ERI2: variants seen among roughly 807,000 people sequenced by gnomAD.
ERI2 encodes ERI1 exoribonuclease 2.
A neutral mutation model predicts 46.8 loss-of-function variants in ERI2; 35 were observed. The observed-to-expected ratio is 0.75, with a 90% CI of 0.57 to 0.99. The LOEUF (loss-of-function observed/expected upper bound fraction) is 0.99. ERI2 is among the 50% of genes least tolerant of loss of function. ERI2 has a pLI of 0.00. For synonymous variants in ERI2, 224 were observed against 271.0 expected (o/e 0.83, Z 1.70); for missense variants, 695 against 796.2 (o/e 0.87, Z 1.53).
chr16:20,786,440 G>A lies in ERI2; in HGVS notation c.894+3039C>T, dbSNP rs9922762. On this transcript the variant is annotated intron_variant, in intron 10 of 10. Transcript: ENST00000300005. The stretch of plus-strand genomic sequence containing the variant: ...TCACGCCTGTAATCCCAACACTTTG[G>A]GAGGCCAAGGCGGGAGCATCACTTG... 3,647 of 479,546 alleles carry A rather than the reference G, an allele frequency of 7.6e-3. 110 individuals carry two copies. The highest frequency in any genetic ancestry group is 0.066 in the African/African-American group (3,270 of 49,872). The allele number at this position is 479,546 out of a possible 1,614,324, so 29.7% of individuals were successfully genotyped here.
At chr16:20,791,234 T>C (rs572999542) in intron 8 of ERI2, among the ~76,000 whole-genome samples, 2 of 152,292 alleles carry the variant, frequency 1.3e-5, no homozygotes, top group African/African-American at 4.8e-5. Context: ...AGTATCTTGT[T>C]TTTTCTTATG....
downstream of ERI2, among the ~76,000 whole-genome samples, chr16:20,795,244 C>T (rs1046882079): frequency 2.6e-5 from 4 of 152,180 alleles, no homozygotes; most frequent in African/African-American, 9.6e-5. Context: ...TGCTCTCGAA[C>T]TCCTGGGCTC....
intron 10 of ERI2, among the ~76,000 whole-genome samples, chr16:20,788,578 C>T (rs2080525815): frequency 6.6e-6 from 1 of 152,190 alleles, no homozygotes. Flanking sequence ...AACATTCTGG[C>T]ATCTGGGGAT....
intron 10 of ERI2, among the ~76,000 whole-genome samples, chr16:20,785,715 G>A (rs1160355751): frequency 6.6e-6 from 1 of 152,114 alleles, no homozygotes; most frequent in Admixed American, 6.5e-5. Flanking sequence ...TCTTTATAAT[G>A]CTTCAATTTA....
At position 20,790,919 on chromosome 16, in the gene ERI2, A is replaced by T; in HGVS notation, c.746T>A (p.Leu249Ter). 1 of 1,614,038 alleles carries T rather than the reference A, an allele frequency of 6.2e-7. No individual in the cohort carries two copies. Among genetic ancestry groups the T allele is most frequent in the Non-Finnish European group, 8.5e-7 (1 of 1,179,948 alleles). The change falls in exon 9 of 11, where the codon TTG becomes TAG. Residue 249 changes from leucine to a stop codon, truncating the protein, a stop_gained. Transcript: ENST00000300005. LOFTEE classifies it high-confidence loss of function. The surrounding 1 kb of genome is among the most constrained non-coding windows in gnomAD (Gnocchi z 4.0). ...ATCACTGTTCCAGGTCCACGAAGGC[A>T]AGAGGAAGGGACCCTAGAAAGAGGA...
chr16:20,796,760 C>T lies in ERI2; in HGVS notation c.*964G>A, dbSNP rs1271866082. On this transcript the variant is annotated 3_prime_UTR_variant, in exon 9 of 9. Transcript: ENST00000357967. ...ACCCTTTTCCCTATTTTGGCTGTTA[C>T]CCAAAACCCATTCCAAAGACTATTC... 3.9e-6 allele frequency: 6 copies of T among 1,524,022 alleles called. No individual in the cohort carries two copies. The highest frequency in any genetic ancestry group is 5.3e-6 in the Non-Finnish European group (6 of 1,142,270). 94.4% of individuals were successfully genotyped at this position (1,524,022 alleles called of 1,614,324 possible).
chr16:20,799,651 T>A (rs568443334), intron 7 of ERI2: 1 of 475,496 alleles, frequency 2.1e-6, no homozygotes, highest in East Asian at 3.6e-5. Context: ...AATAATCTAA[T>A]AGTCTTGTTC....
intron 1 of ERI2, among the ~76,000 whole-genome samples, chr16:20,805,536 T>G (rs571514089): frequency 6.6e-6 from 1 of 152,362 alleles, no homozygotes; most frequent in South Asian, 2.1e-4. Context: ...GAGCAAAATT[T>G]ATTCAAAGAC....
In ERI2 at chr16:20,800,353, C is replaced by G; in HGVS notation, c.510G>C (p.Leu170=). 6.2e-7 allele frequency: 1 copy of G among 1,610,654 alleles called. No homozygotes were observed. The highest frequency in any genetic ancestry group is 8.5e-7 in the Non-Finnish European group (1 of 1,177,958). Reference sequence around the variant, plus strand: ...AAGAATTTAAAAACACAGGTTTTAACAGCTGCTTTCTTTTACACTCATACT... The same window carrying G: ...AAGAATTTAAAAACACAGGTTTTAAGAGCTGCTTTCTTTTACACTCATACT... ...CLEYECKRKQ[L]LKPVFLNSWI... Residue 170 remains leucine, a synonymous_variant, in exon 6 of 9, where the codon CTG becomes CTC. Transcript: ENST00000357967.
downstream of ERI2, among the ~76,000 whole-genome samples, chr16:20,793,220 G>A (rs150337732): frequency 1.3e-3 from 205 of 152,278 alleles, 1 homozygote; most frequent in African/African-American, 4.7e-3. Flanking sequence ...TGTAATCCTA[G>A]CACTTTGGGA....
chr16:20,780,880 C>G, intron 10 of ERI2: 3 of 1,613,846 alleles, frequency 1.9e-6, no homozygotes, highest in Non-Finnish European at 2.5e-6. Flanking sequence ...AAAAGTGCAG[C>G]TTGAAGTGTC....
At position 20,790,960 on chromosome 16, in the gene ERI2, C is replaced by T. The variant is rs2080584449; in HGVS notation, c.733-28G>A. On this transcript the variant is annotated intron_variant, in intron 8 of 10. Coordinates refer to the ERI2 transcript ENST00000300005. The surrounding 1 kb of genome is among the most constrained non-coding windows in gnomAD (Gnocchi z 4.0). ...AGAAAGAGGACAGCCTCTTAACATC[C>T]CCTGATCCTCTCAATTATCAAACAA... 2 of 1,599,018 alleles carry T rather than the reference C, an allele frequency of 1.3e-6. No homozygotes were observed. The highest frequency in any genetic ancestry group is 1.7e-6 in the Non-Finnish European group (2 of 1,174,586).
At chr16:20,806,245 G>A (rs1050669754) in intron 1 of ERI2, 163 bp downstream of exon 1, 3 of 1,415,432 alleles carry the variant, frequency 2.1e-6, no homozygotes, top group African/African-American at 1.5e-5. Context: ...GAGGTCCAGG[G>A]AGGCGCCTTT....
At chr16:20,802,775 A>T in intron 4 of ERI2, 21 bp downstream of exon 4, 9 of 1,574,056 alleles carry the variant, frequency 5.7e-6, no homozygotes, top group Non-Finnish European at 7.8e-6. Context: ...TGACTTCTGA[A>T]TTTTAAGATT....
chr16:20,787,376 T>C (rs1161107229), intron 10 of ERI2, among the ~76,000 whole-genome samples: 1 of 152,204 alleles, frequency 6.6e-6, no homozygotes, highest in East Asian at 1.9e-4. Flanking sequence ...GACCCATCTG[T>C]ACGTTAAGAG....
downstream of ERI2, chr16:20,791,937 A>G (rs2080607927): frequency 6.3e-7 from 1 of 1,582,146 alleles, no homozygotes; most frequent in South Asian, 1.2e-5. Context: ...GAAAAAAAAA[A>G]AAAAATTCCA....
intron 4 of ERI2, 82 bp from the exon 5 acceptor site, chr16:20,801,441 T>G (rs2080794573): frequency 2.1e-6 from 3 of 1,397,852 alleles, no homozygotes; most frequent in Admixed American, 2.5e-5. Flanking sequence ...GGAGAAAGAT[T>G]AATGGTTTTA....
chr16:20,795,983 TCCTCAGGG>T (rs2080714596), downstream of ERI2: 1 of 158,468 alleles, frequency 6.3e-6, no homozygotes, highest in Non-Finnish European at 1.4e-5. Context: ...CCACTCTTGT[TCCTCAGGG>T]CCATGGAAAT....
rs951048022 is a variant in ERI2, at chr16:20,790,608, G to A, written c.815+242C>T. On this transcript the variant is annotated intron_variant, in intron 9 of 10. Transcript: ENST00000300005. This position sits in a 1 kb window ranked among gnomAD's most constrained non-coding sequence, Gnocchi z 4.0. ...CTAGATTGTAGATGTAAATGGCAAT[G>A]TTCTACCTCCTGGACAAGAAGGAGA... The A allele has an allele frequency of 6.2e-7, 1 of 1,614,086 alleles. No individual in the cohort carries two copies. Among genetic ancestry groups the A allele is most frequent in the African/African-American group, 1.3e-5 (1 of 75,060 alleles).
Sources: gnomAD v4.1 joint callset for allele counts (sites outside exome capture counted in the v4.1 genomes callset) on GRCh38, gnomAD v4.1.1 for gene constraint, Gnocchi (gnomAD v3.1) non-coding constraint, MANE v1.5 for transcripts, NCBI Gene and HGNC (gene_info 2026-07-23, HGNC 2026-07-21) for gene names.